The following FLT3 variants were observed in gnomAD, a reference collection of about 807,000 sequenced individuals.
FLT3 encodes the protein fms related receptor tyrosine kinase 3.
FLT3 carries 46 observed loss-of-function variants against 126.6 expected under a neutral mutation model. That is an observed-to-expected ratio of 0.36 (90% CI 0.29 to 0.46). The LOEUF (loss-of-function observed/expected upper bound fraction) is 0.46, where lower values mean the gene tolerates loss of function less well. FLT3 is among the 20% of genes least tolerant of loss of function. The pLI, the probability that FLT3 is intolerant of heterozygous loss-of-function variation, is 1.00. For missense variants in FLT3, 1,069 were observed against 1,190.3 expected (o/e 0.90, Z 1.50); for synonymous variants, 404 against 434.4 (o/e 0.93, Z 0.87).
At chr13:28,015,108 G>T in intron 22 of FLT3, 49 bp downstream of exon 22, 2 of 1,168,352 alleles carry the variant, frequency 1.7e-6, no homozygotes, top group South Asian at 2.5e-5. Context: ...GAAGTAGACA[G>T]ACTGTACCTT....
At chr13:28,014,321 G>T in intron 23 of FLT3, 131 bp downstream of exon 23, 1 of 651,554 alleles carries the variant, frequency 1.5e-6, no homozygotes, top group Non-Finnish European at 2.7e-6. Context: ...ACACAACTTT[G>T]AAAGGGCAAC....
intron 3 of FLT3, among the ~76,000 whole-genome samples, chr13:28,058,751 T>C (rs937491731): frequency 1.3e-5 from 2 of 152,132 alleles, no homozygotes; most frequent in Non-Finnish European, 2.9e-5. Flanking sequence ...AGCAAGCAGG[T>C]TCAATAGAAC....
chr13:28,084,721 A>T (rs1359573814), intron 1 of FLT3, among the ~76,000 whole-genome samples: 1 of 152,110 alleles, frequency 6.6e-6, no homozygotes, highest in Non-Finnish European at 1.5e-5. Flanking sequence ...CATGCCTGTA[A>T]TCCCAGCACT....
intron 17 of FLT3, 63 bp downstream of exon 17, chr13:28,027,025 G>C (rs971482320): frequency 2.1e-6 from 3 of 1,443,180 alleles, no homozygotes; most frequent in Non-Finnish European, 9.6e-7. Context: ...AAGTGTGTTT[G>C]AACAGCACAC....
intron 23 of FLT3, among the ~76,000 whole-genome samples, chr13:28,004,819 C>T (rs2137580327): frequency 6.6e-6 from 1 of 152,220 alleles, no homozygotes; most frequent in South Asian, 2.1e-4. Flanking sequence ...TAAAATGTCA[C>T]CCTAGAAATC....
At chr13:28,091,793 C>T (rs143188445) in intron 1 of FLT3, among the ~76,000 whole-genome samples, 36 of 152,020 alleles carry the variant, frequency 2.4e-4, no homozygotes, top group African/African-American at 8.2e-4. Context: ...ATAGGCCAGG[C>T]GTGGCCAGGA....
In FLT3 at chr13:28,023,430, A is replaced by G; in HGVS notation, c.2338T>C (p.Leu780=). The change falls in exon 19 of 24, where the codon TTG becomes CTG. Residue 780 remains leucine, a synonymous_variant. Coordinates refer to ENST00000241453, the MANE Select transcript of FLT3 (RefSeq NM_004119.3). ...AGATCTTCAAATGTAAGCACATTCA[A>G]GTCCTCCTCTTCTTCCAGCCTTTTT... is the stretch of plus-strand genomic sequence containing the variant. ...NQKRLEEEED[L]NVLTFEDLLC... 1 of 1,613,876 alleles carries G rather than the reference A, an allele frequency of 6.2e-7. No homozygotes were observed. The highest frequency in any genetic ancestry group is 8.5e-7 in the Non-Finnish European group (1 of 1,179,742).
At chr13:28,014,144 C>T (rs1451067381) in intron 23 of FLT3, among the ~76,000 whole-genome samples, 1 of 152,030 alleles carries the variant, frequency 6.6e-6, no homozygotes, top group Non-Finnish European at 1.5e-5. Context: ...TGGTGCTGCC[C>T]TCCCATGGTC....
At chr13:28,092,602 C>T (rs911456077) in intron 1 of FLT3, among the ~76,000 whole-genome samples, 38 of 152,204 alleles carry the variant, frequency 2.5e-4, no homozygotes, top group African/African-American at 6.7e-4. Context: ...TACCCTAATT[C>T]AAGCCCTCGT....
rs1872691151 is a variant in FLT3 at position 28,025,010 on chromosome 13, T to C, written c.2208-67A>G. The C allele has an allele frequency of 9.1e-6, 8 of 877,682 alleles. No homozygotes were observed. The Admixed American group carries it at 1.1e-4, about 12-fold the overall frequency. The allele number at this position is 877,682 out of a possible 1,614,324, so 54.4% of individuals were successfully genotyped here. On this transcript the variant is annotated intron_variant, in intron 17 of 23. Transcript: ENST00000241453. ...CTCAGCAGACATTTTATTTTAAAAA[T>C]GTAATTCATCAAATAAATGGATTCC... is the stretch of plus-strand genomic sequence containing the variant.
chr13:28,017,956 A>G (rs1236558769), intron 20 of FLT3, among the ~76,000 whole-genome samples: 1 of 152,090 alleles, frequency 6.6e-6, no homozygotes, highest in East Asian at 1.9e-4. Context: ...GAGCCACTGC[A>G]CCCAGCCAAT....
intron 1 of FLT3, among the ~76,000 whole-genome samples, chr13:28,075,462 C>T (rs1242568366): frequency 1.3e-5 from 2 of 152,116 alleles, no homozygotes; most frequent in African/African-American, 2.4e-5. Context: ...TGGTGGCTCA[C>T]ATCTGTAATC....
chr13:28,034,233 G>A lies in FLT3; in HGVS notation c.1705-19C>T, dbSNP rs2137676539. ...TAAATTGCTTCAGAGATGAAATGAT[G>A]AGTCAGTTAGGAATAGGCAGTTCTG... is the stretch of plus-strand genomic sequence containing the variant. On this transcript the variant is annotated intron_variant, in intron 13 of 23. Transcript: ENST00000241453. The A allele has an allele frequency of 6.2e-7, 1 of 1,613,868 alleles. No individual in the cohort carries two copies. Among genetic ancestry groups the A allele is most frequent in the Non-Finnish European group, 8.5e-7 (1 of 1,179,872 alleles).
chr13:28,012,164 G>A (rs1407475524), intron 23 of FLT3, among the ~76,000 whole-genome samples: 1 of 152,236 alleles, frequency 6.6e-6, no homozygotes, highest in Non-Finnish European at 1.5e-5. Context: ...ACTGGTCACA[G>A]AGGGTCAGGG....
chr13:28,064,101 G>C (rs1009643340), intron 2 of FLT3, among the ~76,000 whole-genome samples: 3 of 151,852 alleles, frequency 2.0e-5, no homozygotes, highest in African/African-American at 7.3e-5. Flanking sequence ...GCAAGACCCC[G>C]TCCCAAAACA....
chr13:28,033,382 G>A (rs1237288059), intron 15 of FLT3, among the ~76,000 whole-genome samples: 1 of 152,134 alleles, frequency 6.6e-6, no homozygotes, highest in Non-Finnish European at 1.5e-5. Flanking sequence ...AAACTAAATA[G>A]GCCTGGCACA....
chr13:28,050,297 A>T, intron 5 of FLT3, 75 bp from the exon 6 acceptor site: 1 of 1,446,108 alleles, frequency 6.9e-7, no homozygotes, highest in Non-Finnish European at 9.6e-7. Flanking sequence ...AGGAGAACAA[A>T]GTTCTAGAGC....
At chr13:28,095,761 G>T (rs573319027) in intron 1 of FLT3, among the ~76,000 whole-genome samples, 1 of 152,272 alleles carries the variant, frequency 6.6e-6, no homozygotes, top group East Asian at 1.9e-4. Context: ...AATGATAGGG[G>T]TTAGTTACTG....
At chr13:28,033,673 CAAAG>C (rs1365479803) in intron 15 of FLT3, among the ~76,000 whole-genome samples, 10 of 152,056 alleles carry the variant, frequency 6.6e-5, no homozygotes, top group Admixed American at 3.9e-4. Flanking sequence ...TAAAAATAAA[CAAAG>C]AGAGAAGTGG....
Sources: gnomAD v4.1 joint callset for allele counts (sites outside exome capture counted in the v4.1 genomes callset) on GRCh38, gnomAD v4.1.1 for gene constraint, MANE v1.5 for transcripts, NCBI Gene and HGNC (gene_info 2026-07-23, HGNC 2026-07-21) for gene names.